Variants in ZNF195 observed in about 807,000 individuals in gnomAD.
ZNF195 encodes the protein zinc finger protein 195.
Under a neutral mutation model 19.5 loss-of-function variants are expected in ZNF195, and 11 were observed. The observed-to-expected ratio is 0.57, with a 90% CI of 0.36 to 0.94. ZNF195 has a LOEUF of 0.94. Ranked by LOEUF, ZNF195 falls within the 40% of genes least tolerant of loss-of-function variation. The pLI is 0.01. For synonymous variants in ZNF195, 214 were observed against 248.1 expected (o/e 0.86, Z 1.29); for missense variants, 582 against 709.0 (o/e 0.82, Z 2.03).
At chr11:3,372,858 A>C (rs1849285277) in intron 1 of ZNF195, among the ~76,000 whole-genome samples, 1 of 152,216 alleles carries the variant, frequency 6.6e-6, no homozygotes, top group Middle Eastern at 3.2e-3. Flanking sequence ...CAGCCTCCGG[A>C]GTAGATGGAA....
chr11:3,377,956 G>T (rs1589822883), intron 1 of ZNF195: 3 of 971,550 alleles, frequency 3.1e-6, no homozygotes, highest in East Asian at 1.1e-4. Flanking sequence ...AGCGTCAGGG[G>T]ATGATTCTCT....
At chr11:3,377,660 G>A (rs200666011) in intron 1 of ZNF195, 5 of 1,246,682 alleles carry the variant, frequency 4.0e-6, no homozygotes, top group South Asian at 1.4e-5. Context: ...CTCAGCCCAG[G>A]GCATCCAGCT....
Position 3,379,088 on chromosome 11 carries a change from G to A in ZNF195, c.-48C>T. 1.3e-6 allele frequency: 2 copies of A among 1,488,916 alleles called. No homozygotes were observed. Among genetic ancestry groups the A allele is most frequent in the South Asian group, 1.3e-5 (1 of 74,640 alleles). 92.2% of individuals were successfully genotyped at this position (1,488,916 alleles called of 1,614,324 possible). ...GCGTTTCACTTCTGGATCTCCCGGTGCCTGCGGGTCACACGACCTACGGCT... is the reference window on the plus strand; with the variant it reads ...GCGTTTCACTTCTGGATCTCCCGGTACCTGCGGGTCACACGACCTACGGCT... On this transcript the variant is annotated 5_prime_UTR_variant, in exon 1 of 6. Coordinates refer to ENST00000399602, the MANE Select transcript of ZNF195 (RefSeq NM_001130520.3).
At chr11:3,370,559 G>A (rs1381654600) in intron 3 of ZNF195, among the ~76,000 whole-genome samples, 2 of 152,130 alleles carry the variant, frequency 1.3e-5, no homozygotes, top group African/African-American at 4.8e-5. Flanking sequence ...CGGGACTTCT[G>A]GGATTTCTGA....
intron 3 of ZNF195, chr11:3,367,046 T>TA (rs1564920377): frequency 8.2e-6 from 3 of 366,288 alleles, no homozygotes; most frequent in South Asian, 5.6e-5. Context: ...GCCTGGGTGA[T>TA]AGAGTGAAAC....
At chr11:3,360,996 G>A (rs975036125) in intron 4 of ZNF195, among the ~76,000 whole-genome samples, 1 of 152,218 alleles carries the variant, frequency 6.6e-6, no homozygotes, top group Non-Finnish European at 1.5e-5. Flanking sequence ...GTGACACGGA[G>A]TGCTGAGAGA....
chr11:3,361,781 G>T lies in ZNF195; in HGVS notation c.335C>A (p.Ala112Asp), dbSNP rs756985728. ...SAGITGVNHR[A>D]QPGLNVSVDK... ...CACAGAAACATTGAGGCCTGGCTGG[G>T]CACGGTGGTTCACACCTGTAATCCC... Residue 112 changes from alanine to aspartate, a missense_variant, in exon 4 of 6, where the codon GCC (alanine) becomes GAC (aspartate). Transcript: ENST00000399602. 8.0e-7 allele frequency: 1 copy of T among 1,244,494 alleles called. No individual in the cohort carries two copies. Among genetic ancestry groups the T allele is most frequent in the Non-Finnish European group, 1.1e-6 (1 of 934,824 alleles). The allele number at this position is 1,244,494 out of a possible 1,614,324, so 77.1% of individuals were successfully genotyped here. A position where few individuals can be genotyped will look rare whatever the true frequency, so the allele number is the denominator to read the frequency against.
intron 5 of ZNF195, 26 bp downstream of exon 5, chr11:3,360,694 G>A (rs762164316): frequency 1.3e-6 from 2 of 1,549,134 alleles, no homozygotes; most frequent in African/African-American, 1.4e-5. Flanking sequence ...CCTAATTTCT[G>A]TATAAACATA....
intron 3 of ZNF195, among the ~76,000 whole-genome samples, chr11:3,364,045 T>C (rs924310942): frequency 1.3e-5 from 2 of 152,014 alleles, no homozygotes; most frequent in Admixed American, 6.5e-5. Flanking sequence ...ATAAAAATGT[T>C]ACTAACCAAG....
chr11:3,375,953 T>C (rs1849441119), intron 1 of ZNF195, among the ~76,000 whole-genome samples: 1 of 152,218 alleles, frequency 6.6e-6, no homozygotes, highest in Non-Finnish European at 1.5e-5. Flanking sequence ...ATGCCCTCTA[T>C]GGCCATGAGA....
Position 3,359,651 on chromosome 11 carries a change from GGTGTGAGGAC to G in ZNF195, c.1347_1356del (p.Gln449HisfsTer170). The G allele has an allele frequency of 6.2e-7, 1 of 1,614,148 alleles. No homozygotes were observed. The highest frequency in any genetic ancestry group is 8.5e-7 in the Non-Finnish European group (1 of 1,180,018). On this transcript the variant is annotated frameshift_variant, in exon 6 of 6. Coordinates refer to ENST00000399602, the MANE Select transcript of ZNF195 (RefSeq NM_001130520.3). LOFTEE classifies it low-confidence loss of function (END_TRUNC). This position sits in a 1 kb window ranked among gnomAD's most constrained non-coding sequence, Gnocchi z 5.5. Reference sequence around the variant, plus strand: ...GTGTGAATCCTCCTGTGTTCACTGAGGTGTGAGGACTGTGTATAGGCTTTCCCACATTCGT... The same window carrying G: ...GTGTGAATCCTCCTGTGTTCACTGAGTGTGTATAGGCTTTCCCACATTCGT...
chr11:3,359,105 G>T lies in ZNF195; in HGVS notation c.*13C>A. On this transcript the variant is annotated 3_prime_UTR_variant, in exon 6 of 6. Coordinates refer to ENST00000399602, the MANE Select transcript of ZNF195 (RefSeq NM_001130520.3). This position sits in a 1 kb window ranked among gnomAD's most constrained non-coding sequence, Gnocchi z 5.5. ...AACGGCTTTGCCTATTTTTATATTTGTTTATTTTTTTCTCAAGTATGAATG... is the reference window on the plus strand; with the variant it reads ...AACGGCTTTGCCTATTTTTATATTTTTTTATTTTTTTCTCAAGTATGAATG... The T allele has an allele frequency of 6.6e-7, 1 of 1,524,312 alleles. No individual in the cohort carries two copies. Among genetic ancestry groups the T allele is most frequent in the African/African-American group, 1.4e-5 (1 of 69,040 alleles). The allele number at this position is 1,524,312 out of a possible 1,614,324, so 94.4% of individuals were successfully genotyped here.
chr11:3,358,834 T>TATC lies in ZNF195; in HGVS notation c.*281_*283dup. 3.0e-6 allele frequency: 1 copy of TATC among 336,512 alleles called. No individual in the cohort carries two copies. Among genetic ancestry groups the TATC allele is most frequent in the South Asian group, 1.1e-4 (1 of 8,848 alleles). The allele number at this position is 336,512 out of a possible 1,614,324, so 20.8% of individuals were successfully genotyped here. ...GTATGAACTCTAGTGTTTTCTAAGC[T>TATC]ATCATTTTTGAACAAATGTTATTCC... On this transcript the variant is annotated 3_prime_UTR_variant, in exon 6 of 6. Transcript: ENST00000399602.
At position 3,360,513 on chromosome 11, in the gene ZNF195, A is replaced by T; in HGVS notation, c.495T>A (p.Asp165Glu). 1 of 1,605,920 alleles carries T rather than the reference A, an allele frequency of 6.2e-7. No individual in the cohort carries two copies. Among genetic ancestry groups the T allele is most frequent in the Non-Finnish European group, 8.5e-7 (1 of 1,178,698 alleles). The change falls in exon 6 of 6, where the codon GAT becomes GAA. Residue 165 changes from aspartate to glutamate, a missense_variant. By Grantham distance (45) the Asp-to-Glu change is conservative (BLOSUM62 2). Transcript: ENST00000399602. ...CTCTCAGTATTCTTTTTGGGAATGC[A>T]TCTTGTATGCCCTGCTCTGGCAGAA... Reference protein sequence around the residue: ...QDLLPEQGIQDAFPKRILRGY... With the variant: ...QDLLPEQGIQEAFPKRILRGY...
chr11:3,367,216 T>G (rs955271951), intron 3 of ZNF195: 10 of 186,104 alleles, frequency 5.4e-5, no homozygotes, highest in African/African-American at 2.4e-4. Flanking sequence ...GTACCACTAT[T>G]CAGAAAAGTC....
At chr11:3,360,934 G>T in intron 4 of ZNF195, 146 bp from the exon 5 acceptor site, 1 of 700,242 alleles carries the variant, frequency 1.4e-6, no homozygotes, top group Non-Finnish European at 2.2e-6. Context: ...TGGCACAAGT[G>T]TTTTTACTTT....
intron 1 of ZNF195, among the ~76,000 whole-genome samples, chr11:3,376,351 CAAAA>C (rs1849463795): frequency 6.6e-6 from 1 of 151,518 alleles, no homozygotes; most frequent in Non-Finnish European, 1.5e-5. Context: ...AAAAAAATCA[CAAAA>C]AAGTCTCATA....
intron 3 of ZNF195, among the ~76,000 whole-genome samples, chr11:3,367,948 C>T (rs913545710): frequency 6.6e-6 from 1 of 151,866 alleles, no homozygotes; most frequent in Non-Finnish European, 1.5e-5. Context: ...TGGTGCATGC[C>T]TGTGTGTAAA....
rs1295372508 is a variant in ZNF195, at chr11:3,378,941, C to T, written c.3+97G>A. The T allele has an allele frequency of 3.9e-6, 5 of 1,287,208 alleles. No individual in the cohort carries two copies. In the African/African-American group the frequency reaches 7.7e-5, roughly 20 times the overall value. The allele number at this position is 1,287,208 out of a possible 1,614,324, so 79.7% of individuals were successfully genotyped here. ...GGAGGGGCCTCGGGTCCGCGGAGCC[C>T]GGAACCCACCCGGGCAGCCCGGTTC... On this transcript the variant is annotated intron_variant, in intron 1 of 5. Coordinates refer to ENST00000399602, the MANE Select transcript of ZNF195 (RefSeq NM_001130520.3).
Sources: gnomAD v4.1 joint callset for allele counts (sites outside exome capture counted in the v4.1 genomes callset) on GRCh38, gnomAD v4.1.1 for gene constraint, Gnocchi (gnomAD v3.1) non-coding constraint, MANE v1.5 for transcripts, NCBI Gene and HGNC (gene_info 2026-07-23, HGNC 2026-07-21) for gene names.